Variants in ZC3HAV1 observed in about 807,000 individuals in gnomAD.
ZC3HAV1 encodes the protein zinc finger CCCH-type containing, antiviral 1.
A neutral mutation model predicts 86.6 loss-of-function variants in ZC3HAV1; 41 were observed. The ratio of observed to expected loss-of-function variants is 0.47; its 90% CI spans 0.37 to 0.61. The LOEUF is 0.61. Among genes scored for constraint, ZC3HAV1 ranks in the 20% least tolerant of loss-of-function variants. The pLI is 0.00. For synonymous variants in ZC3HAV1, 421 were observed against 432.1 expected, an observed-to-expected ratio of 0.97 and a Z score of 0.32; for missense variants, 964 against 1,141.1, an observed-to-expected ratio of 0.84 and a Z score of 2.24.
Position 139,047,328 on chromosome 7 carries a change from C to CAAA in ZC3HAV1, c.*263_*265dup, listed in dbSNP as rs367919128. 113 of 261,844 alleles carry CAAA rather than the reference C, an allele frequency of 4.3e-4. No individual in the cohort carries two copies. The highest frequency in any genetic ancestry group is 5.1e-4 in the South Asian group (15 of 29,650). 16.2% of individuals were successfully genotyped at this position (261,844 alleles called of 1,614,324 possible). A position where few individuals can be genotyped will look rare whatever the true frequency, so the allele number is the denominator to read the frequency against. Reference sequence around the variant, plus strand: ...TGGACGATGGAGTGAGATTCAGTCTCAAAAAAAAAAAAAAAAAAAAAAATA... The same window carrying CAAA: ...TGGACGATGGAGTGAGATTCAGTCTCAAAAAAAAAAAAAAAAAAAAAAAAAATA... On this transcript the variant is annotated 3_prime_UTR_variant, in exon 13 of 13. Coordinates refer to ENST00000242351, the MANE Select transcript of ZC3HAV1 (RefSeq NM_020119.4).
chr7:139,066,157 ACT>A (rs1321588961), intron 7 of ZC3HAV1, among the ~76,000 whole-genome samples: 1 of 151,696 alleles, frequency 6.6e-6, no homozygotes, highest in Non-Finnish European at 1.5e-5. Context: ...TGGTGAGGAG[ACT>A]CTTGTTTCCT....
At chr7:139,076,824 G>A (rs780085428) in intron 5 of ZC3HAV1, among the ~76,000 whole-genome samples, 1 of 152,014 alleles carries the variant, frequency 6.6e-6, no homozygotes. Flanking sequence ...TCTGGGAGGT[G>A]GAGGTTGCGG....
At chr7:139,089,165 T>C (rs947174032) in intron 2 of ZC3HAV1, among the ~76,000 whole-genome samples, 1 of 150,096 alleles carries the variant, frequency 6.7e-6, no homozygotes, top group Admixed American at 6.6e-5. Context: ...GGGTTATAGA[T>C]TGCTGACCCC....
chr7:139,049,083 T>C (rs1816044967), intron 12 of ZC3HAV1, among the ~76,000 whole-genome samples: 2 of 151,948 alleles, frequency 1.3e-5, no homozygotes, highest in Non-Finnish European at 2.9e-5. Context: ...ACTTTAGTCC[T>C]AGAAATCTTG....
rs749559767 is a variant in ZC3HAV1 at position 139,047,873 on chromosome 7, AAAGTT to A, written c.2450-25_2450-21del. The A allele has an allele frequency of 1.9e-6, 3 of 1,601,184 alleles. No homozygotes were observed. Among genetic ancestry groups the A allele is most frequent in the African/African-American group, 1.4e-5 (1 of 73,902 alleles). ...AAATTCCTAGAAAGAATCAGAAAGA[AAAGTT>A]AAGAAATATTATAAAAGAAGGTATA... On this transcript the variant is annotated intron_variant, in intron 12 of 12. Coordinates refer to ENST00000242351, the MANE Select transcript of ZC3HAV1 (RefSeq NM_020119.4).
chr7:139,058,564 T>TA (rs1454318801), intron 9 of ZC3HAV1, among the ~76,000 whole-genome samples: 1 of 151,214 alleles, frequency 6.6e-6, no homozygotes, highest in Non-Finnish European at 1.5e-5. Context: ...GACATTTACA[T>TA]AAGTAACTGT....
chr7:139,065,411 G>C lies in ZC3HAV1; in HGVS notation c.1873-412C>G, dbSNP rs571593200. 4.6e-5 allele frequency among the ~76,000 whole-genome samples: 7 copies of C among 152,274 alleles called. No individual in the cohort carries two copies. In the East Asian group the frequency reaches 1.3e-3, roughly 29 times the overall value. The stretch of plus-strand genomic sequence containing the variant: ...ATCGTGGGCTATTCTAGCCACGCAC[G>C]GTTTACAGTAGTCGTGAAGGGAAGT... On this transcript the variant is annotated intron_variant, in intron 7 of 12. Transcript: ENST00000242351.
chr7:139,060,850 A>T lies in ZC3HAV1; in HGVS notation c.2096+186T>A, dbSNP rs565544104. On this transcript the variant is annotated intron_variant, in intron 9 of 12. Coordinates refer to ENST00000242351, the MANE Select transcript of ZC3HAV1 (RefSeq NM_020119.4). Reference sequence around the variant, plus strand: ...AAGAAAATTCATTTTCCGATCTAGTATCCTTTCAGTCACACCATGCTGCTT... The same window carrying T: ...AAGAAAATTCATTTTCCGATCTAGTTTCCTTTCAGTCACACCATGCTGCTT... The T allele has an allele frequency of 2.7e-5, 41 of 1,507,232 alleles. No individual in the cohort carries two copies. The East Asian group carries it at 1.0e-3, about 38-fold the overall frequency. 93.4% of individuals were successfully genotyped at this position (1,507,232 alleles called of 1,614,324 possible).
intron 1 of ZC3HAV1, among the ~76,000 whole-genome samples, chr7:139,096,694 T>G (rs1817597997): frequency 6.6e-6 from 1 of 152,172 alleles, no homozygotes; most frequent in African/African-American, 2.4e-5. Context: ...ACTAAAAAAT[T>G]CATTTCTTTT....
At chr7:139,073,111 C>G (rs1816829175) in intron 7 of ZC3HAV1, among the ~76,000 whole-genome samples, 1 of 152,078 alleles carries the variant, frequency 6.6e-6, no homozygotes, top group Non-Finnish European at 1.5e-5. Context: ...GCCTGTCCAA[C>G]ATGTTGAAAC....
At chr7:139,083,006 C>T (rs1321794233) in intron 3 of ZC3HAV1, among the ~76,000 whole-genome samples, 1 of 151,952 alleles carries the variant, frequency 6.6e-6, no homozygotes. Flanking sequence ...GAGATACATG[C>T]TGATATATTC....
At chr7:139,094,792 G>A (rs750575368) in intron 1 of ZC3HAV1, among the ~76,000 whole-genome samples, 1 of 152,192 alleles carries the variant, frequency 6.6e-6, no homozygotes, top group East Asian at 1.9e-4. Context: ...ATCTTACTGC[G>A]GTGGGAGCCC....
intron 1 of ZC3HAV1, among the ~76,000 whole-genome samples, chr7:139,105,032 C>CA (rs34053904): frequency 0.022 from 1,616 of 72,270 alleles, 32 homozygotes; most frequent in African/African-American, 0.057. Context: ...GACTCTGTCT[C>CA]AAAAAAAAAA....
chr7:139,080,854 C>A (rs17160713), intron 3 of ZC3HAV1, among the ~76,000 whole-genome samples: 1 of 152,144 alleles, frequency 6.6e-6, no homozygotes, highest in Non-Finnish European at 1.5e-5. Flanking sequence ...TTGCCCATAT[C>A]GTGATACGGG....
chr7:139,071,740 TC>T (rs1816778724), intron 7 of ZC3HAV1, among the ~76,000 whole-genome samples: 1 of 151,972 alleles, frequency 6.6e-6, no homozygotes, highest in African/African-American at 2.4e-5. Context: ...CAAGGAGGGG[TC>T]CAGGAGACAG....
At chr7:139,077,035 G>C (rs1379790415) in intron 5 of ZC3HAV1, among the ~76,000 whole-genome samples, 1 of 152,064 alleles carries the variant, frequency 6.6e-6, no homozygotes, top group Non-Finnish European at 1.5e-5. Context: ...ATGCTCTCCA[G>C]CAGAGGCAAC....
chr7:139,067,254 AT>A (rs1195096138), intron 7 of ZC3HAV1, among the ~76,000 whole-genome samples: 1 of 151,836 alleles, frequency 6.6e-6, no homozygotes, highest in Admixed American at 6.6e-5. Flanking sequence ...GTTCAAGCGA[AT>A]TCTCCCGCCT....
intron 8 of ZC3HAV1, among the ~76,000 whole-genome samples, chr7:139,064,060 A>C (rs1312123545): frequency 6.6e-6 from 1 of 152,232 alleles, no homozygotes; most frequent in Non-Finnish European, 1.5e-5. Flanking sequence ...ATATTAGCAT[A>C]TTTTAATGTC....
At chr7:139,076,248 T>C (rs757915815) in intron 6 of ZC3HAV1, 38 bp downstream of exon 6, 13 of 1,613,916 alleles carry the variant, frequency 8.1e-6, no homozygotes, top group African/African-American at 2.7e-5. Context: ...TTTGATAATG[T>C]TGGACTCTTG....
Sources: gnomAD v4.1 joint callset for allele counts (sites outside exome capture counted in the v4.1 genomes callset) on GRCh38, gnomAD v4.1.1 for gene constraint, MANE v1.5 for transcripts, NCBI Gene and HGNC (gene_info 2026-07-23, HGNC 2026-07-21) for gene names.